The following IZUMO3 variants were observed in gnomAD, a reference collection of about 807,000 sequenced individuals.
IZUMO3 encodes the protein izumo sperm-egg fusion protein 3.
In IZUMO3, 36 loss-of-function variants were observed where a neutral mutation model predicts 28.4. The ratio of observed to expected loss-of-function variants is 1.27; its 90% CI spans 0.97 to 1.67. The LOEUF is 1.67. Ranked by LOEUF, IZUMO3 falls within the 40% of genes most tolerant of loss-of-function variation. IZUMO3 has a pLI of 0.00. For missense variants in IZUMO3, 387 were observed against 278.5 expected (o/e 1.39, Z -2.77); for synonymous variants, 126 against 99.2 (o/e 1.27, Z -1.61).
At chr9:24,544,642 G>A (rs958063389) in intron 4 of IZUMO3, 101 bp downstream of exon 4, 60 of 999,812 alleles carry the variant, frequency 6.0e-5, no homozygotes, top group Admixed American at 4.3e-4. Flanking sequence ...TCTAGGAATT[G>A]GTTTCCCAGT....
At chr9:24,545,341 G>C in intron 1 of IZUMO3, 55 bp from the exon 2 acceptor site, 1 of 1,547,034 alleles carries the variant, frequency 6.5e-7, no homozygotes, top group Non-Finnish European at 8.7e-7. Flanking sequence ...TATGCAGGAA[G>C]TTATGTAGAC....
At chr9:24,545,131 T>G in intron 2 of IZUMO3, 70 bp from the exon 3 acceptor site, 1 of 1,490,432 alleles carries the variant, frequency 6.7e-7, no homozygotes, top group South Asian at 1.2e-5. Flanking sequence ...TTATGTCTGT[T>G]TTTATCTTTG....
chr9:24,543,448 T>TTTG (rs1221239881), intron 6 of IZUMO3, 81 bp from the exon 7 acceptor site: 3 of 779,910 alleles, frequency 3.8e-6, no homozygotes, highest in Non-Finnish European at 5.2e-6. Flanking sequence ...GTTTTTTTTT[T>TTTG]TTTTTTTTTT....
rs1046084177 is a variant in IZUMO3 at position 24,545,033 on chromosome 9, G to A, written c.330C>T (p.Leu110=). The stretch of plus-strand genomic sequence containing the variant: ...TGGATTCCAGGTTTTGGCAGACATC[G>A]AGAAGCTTGCCTTGATAGATAAAGA... ...KGVFIYQGKL[L]DVCQNLESKL... is the part of the protein sequence containing the mutation. Residue 110 remains leucine (L), a synonymous_variant, in exon 3 of 7, where the codon CTC becomes CTT. Transcript: ENST00000543880. 7.1e-6 allele frequency: 11 copies of A among 1,550,374 alleles called. No individual in the cohort carries two copies. Among genetic ancestry groups the A allele is most frequent in the African/African-American group, 2.7e-5 (2 of 72,986 alleles).
intron 3 of IZUMO3, 84 bp downstream of exon 3, chr9:24,544,888 A>G: frequency 7.6e-7 from 1 of 1,323,520 alleles, no homozygotes; most frequent in South Asian, 1.3e-5. Flanking sequence ...TAACTCTATT[A>G]TGAACTTGCA....
intron 5 of IZUMO3, 85 bp downstream of exon 5, chr9:24,544,116 A>C (rs1819524555): frequency 1.1e-6 from 1 of 948,618 alleles, no homozygotes; most frequent in Non-Finnish European, 1.7e-6. Flanking sequence ...GTAGTGACCC[A>C]ACAAATACAT....
chr9:24,543,435 ATTGTTTTTTTTTTTTT>A, intron 6 of IZUMO3, 68 bp from the exon 7 acceptor site: 3 of 75,194 alleles, frequency 4.0e-5, no homozygotes, highest in South Asian at 2.9e-4. Flanking sequence ...CCAGTTATAC[ATTGTTTTTTTTTTTTT>A]TTTTTTTTTT....
Position 24,543,673 on chromosome 9 carries a change from G to A in IZUMO3, c.572C>T (p.Ala191Val), listed in dbSNP as rs1819513852. Reference sequence around the variant, plus strand: ...GAGAGAAGAAACTCACAGTAACACAGCACTTCCCAGTATTACAGCTGTTGC... The same window carrying A: ...GAGAGAAGAAACTCACAGTAACACAACACTTCCCAGTATTACAGCTGTTGC... ...LLATAVILGSAVLLFHFCIFH... is the reference protein window; with the variant it reads ...LLATAVILGSVVLLFHFCIFH... The change falls in exon 6 of 7, where the codon GCT becomes GTT. Residue 191 changes from alanine to valine, a missense_variant. Coordinates refer to ENST00000543880, the MANE Select transcript of IZUMO3 (RefSeq NM_001365008.2). The A allele has an allele frequency of 6.5e-7, 1 of 1,544,442 alleles. No homozygotes were observed. The highest frequency in any genetic ancestry group is 2.4e-5 in the East Asian group (1 of 40,848).
chr9:24,543,580 C>T, intron 6 of IZUMO3, 84 bp downstream of exon 6: 1 of 1,071,950 alleles, frequency 9.3e-7, no homozygotes. Context: ...TGCTTTATTT[C>T]CATTTGGAGG....
Position 24,543,184 on chromosome 9 carries a change from A to C in IZUMO3, c.*45T>G. 1 of 1,486,418 alleles carries C rather than the reference A, an allele frequency of 6.7e-7. No individual in the cohort carries two copies. Among genetic ancestry groups the C allele is most frequent in the Non-Finnish European group, 9.0e-7 (1 of 1,111,192 alleles). 92.1% of individuals were successfully genotyped at this position (1,486,418 alleles called of 1,614,324 possible). ...CCTCCCAGTTTTGTACTTAGAGTCA[A>C]CACTTAAGAGAATCATGAAAGACTT... On this transcript the variant is annotated 3_prime_UTR_variant, in exon 7 of 7. Coordinates refer to ENST00000543880, the MANE Select transcript of IZUMO3 (RefSeq NM_001365008.2).
Position 24,543,373 on chromosome 9 carries a change from G to C in IZUMO3, c.582-6C>G. 1 of 1,381,088 alleles carries C rather than the reference G, an allele frequency of 7.2e-7. No individual in the cohort carries two copies. 85.6% of individuals were successfully genotyped at this position (1,381,088 alleles called of 1,614,324 possible). A position where few individuals can be genotyped will look rare whatever the true frequency, so the allele number is the denominator to read the frequency against. ...GAAAGATGCAAAAATGGAATCTAGA[G>C]TAGGAAAAGAAAATAATTCCAACTT... On this transcript the variant is annotated splice_polypyrimidine_tract_variant and splice_region_variant and intron_variant, in intron 6 of 6. Coordinates refer to ENST00000543880, the MANE Select transcript of IZUMO3 (RefSeq NM_001365008.2).
Position 24,545,258 on chromosome 9 carries a change from T to G in IZUMO3, c.255A>C (p.Thr85=). ...LAVQQVVKLR[T]WLKNEFYKLG... ...GTTTATAAAATTCATTCTTCAACCA[T>G]GTTCTCAACTTAACAACCTGCTGAA... Residue 85 remains threonine, a synonymous_variant, in exon 2 of 7, where the codon ACA becomes ACC. Coordinates refer to ENST00000543880, the MANE Select transcript of IZUMO3 (RefSeq NM_001365008.2). The G allele has an allele frequency of 6.5e-7, 1 of 1,550,362 alleles. No homozygotes were observed. Among genetic ancestry groups the G allele is most frequent in the East Asian group, 2.4e-5 (1 of 40,908 alleles).
Position 24,543,288 on chromosome 9 carries a change from C to T in IZUMO3, c.661G>A (p.Glu221Lys). ...TCATCTATCTTCCCCATTAATTCTTCAAGTTTCTTCTCCACATATTCCTTT... is the reference window on the plus strand; with the variant it reads ...TCATCTATCTTCCCCATTAATTCTTTAAGTTTCTTCTCCACATATTCCTTT... Reference protein sequence around the residue: ...SLKEYVEKKLEELMGKIDEKE... With the variant: ...SLKEYVEKKLKELMGKIDEKE... Residue 221 changes from glutamate to lysine, a missense_variant, in exon 7 of 7, where the codon GAA (glutamate) becomes AAA (lysine). Coordinates refer to ENST00000543880, the MANE Select transcript of IZUMO3 (RefSeq NM_001365008.2). 1 of 1,548,816 alleles carries T rather than the reference C, an allele frequency of 6.5e-7. No homozygotes were observed.
In IZUMO3 at chr9:24,544,243, G is replaced by T; in HGVS notation, c.448C>A (p.Leu150Ile). 1.3e-6 allele frequency: 2 copies of T among 1,550,310 alleles called. No homozygotes were observed. Among genetic ancestry groups the T allele is most frequent in the South Asian group, 2.4e-5 (2 of 84,048 alleles). ...TTGAAGCACCTGTTAGTCATGCGAA[G>T]ACACGTCCAACAATCAAGAATGGGA... ...EGPILDCWTC[L>I]RMTNRCFKGE... Residue 150 changes from leucine to isoleucine, a missense_variant, in exon 5 of 7, where the codon CTT becomes ATT. Leu to Ile is a conservative substitution (Grantham distance 5). Coordinates refer to ENST00000543880, the MANE Select transcript of IZUMO3 (RefSeq NM_001365008.2).
Position 24,545,619 on chromosome 9 carries a change from G to T in IZUMO3, c.31C>A (p.Pro11Thr). The T allele has an allele frequency of 1.3e-6, 2 of 1,535,314 alleles. No individual in the cohort carries two copies. Among genetic ancestry groups the T allele is most frequent in the Non-Finnish European group, 1.7e-6 (2 of 1,146,682 alleles). Reference sequence around the variant, plus strand: ...TTGACTCCATGGAAGGCTGAGAGGGGCAGGAGCAGGAATAACCACAGGTCA... The same window carrying T: ...TTGACTCCATGGAAGGCTGAGAGGGTCAGGAGCAGGAATAACCACAGGTCA... The part of the protein sequence containing the change: MGDLWLFLLL[P>T]LSAFHGVKGC... The change falls in exon 1 of 7, where the codon CCC becomes ACC. Residue 11 changes from proline (P) to threonine (T), a missense_variant. By Grantham distance (38) the Pro-to-Thr change is conservative (BLOSUM62 -1). Transcript: ENST00000543880.
In IZUMO3 at chr9:24,543,373, G is replaced by A; in HGVS notation, c.582-6C>T. 2 of 1,381,088 alleles carry A rather than the reference G, an allele frequency of 1.4e-6. No homozygotes were observed. Among genetic ancestry groups the A allele is most frequent in the Non-Finnish European group, 1.9e-6 (2 of 1,044,498 alleles). The allele number at this position is 1,381,088 out of a possible 1,614,324, so 85.6% of individuals were successfully genotyped here. On this transcript the variant is annotated splice_polypyrimidine_tract_variant and splice_region_variant and intron_variant, in intron 6 of 6. Coordinates refer to ENST00000543880, the MANE Select transcript of IZUMO3 (RefSeq NM_001365008.2). ...GAAAGATGCAAAAATGGAATCTAGA[G>A]TAGGAAAAGAAAATAATTCCAACTT... is the stretch of plus-strand genomic sequence containing the variant.
At chr9:24,544,652 T>G in intron 4 of IZUMO3, 91 bp downstream of exon 4, 1 of 1,131,196 alleles carries the variant, frequency 8.8e-7, no homozygotes, top group Non-Finnish European at 1.3e-6. Context: ...GGTTTCCCAG[T>G]GTAACAGGTG....
At chr9:24,543,437 T>TG (rs1819500004) in intron 6 of IZUMO3, 70 bp from the exon 7 acceptor site, 2 of 510,160 alleles carry the variant, frequency 3.9e-6, no homozygotes, top group African/African-American at 5.7e-5. Context: ...AGTTATACAT[T>TG]GTTTTTTTTT....
chr9:24,543,701 G>T lies in IZUMO3; in HGVS notation c.544C>A (p.Leu182Met). The T allele has an allele frequency of 6.5e-7, 1 of 1,549,292 alleles. No individual in the cohort carries two copies. Among genetic ancestry groups the T allele is most frequent in the South Asian group, 1.2e-5 (1 of 84,020 alleles). The change falls in exon 6 of 7, where the codon CTG becomes ATG. Residue 182 changes from leucine to methionine, a missense_variant. Transcript: ENST00000543880. ...CTTCCCAGTATTACAGCTGTTGCCA[G>T]CAATATGAGAAATAGAGCAATCTCT... Reference protein sequence around the residue: ...NREIALFLILLATAVILGSAV... With the variant: ...NREIALFLILMATAVILGSAV...
Sources: allele counts gnomAD v4.1 joint callset, GRCh38; gene constraint gnomAD v4.1.1; transcripts MANE v1.5; gene names NCBI Gene and HGNC (gene_info 2026-07-23, HGNC 2026-07-21).